DUSP13B: variants seen among roughly 807,000 people sequenced by gnomAD.
DUSP13B encodes dual specificity protein phosphatase 13B.
At chr10:75,099,808 C>G in the DUSP13B span, 1 of 180,396 alleles carries the variant, frequency 5.5e-6, no homozygotes, top group African/African-American at 2.3e-5. Flanking sequence ...TGGCCACGAG[C>G]AAGTCTTTGC....
At chr10:75,105,822 C>A in the DUSP13B span, 125 of 1,550,666 alleles carry the variant, frequency 8.1e-5, no homozygotes, top group South Asian at 6.4e-4. Flanking sequence ...CCAGGACCAG[C>A]GTGGCAGAGC....
chr10:75,099,467 GCAGGGGCAGGACTCTGCCTGAGCGGAA>G, the DUSP13B span: 1 of 1,232,482 alleles, frequency 8.1e-7, no homozygotes, highest in Non-Finnish European at 1.0e-6. Flanking sequence ...GGGAGTGGGT[GCAGGGGCAGGACTCTGCCTGAGCGGAA>G]CAGGGCTGGG....
the DUSP13B span, chr10:75,097,904 C>T: frequency 1.7e-5 from 26 of 1,547,862 alleles, no homozygotes; most frequent in African/African-American, 6.9e-5. Context: ...GAGTGGACAC[C>T]GCAGTGGCTG....
At chr10:75,108,811 T>A in the DUSP13B span, among the ~76,000 whole-genome samples, 5 of 152,158 alleles carry the variant, frequency 3.3e-5, no homozygotes, top group Admixed American at 3.3e-4. Context: ...GCAGGCGAAG[T>A]CCCTGCTCTC....
the DUSP13B span, among the ~76,000 whole-genome samples, chr10:75,100,005 C>A: frequency 7.2e-5 from 11 of 152,132 alleles, no homozygotes; most frequent in Non-Finnish European, 1.5e-4. Context: ...AACAGCCACA[C>A]TGGTCTGGAG....
the DUSP13B span, chr10:75,094,940 G>T: frequency 2.0e-6 from 3 of 1,476,272 alleles, no homozygotes; most frequent in African/African-American, 4.2e-5. Flanking sequence ...CCTTTGGGAA[G>T]AAGAGACACC....
chr10:75,102,964 T>A, the DUSP13B span, among the ~76,000 whole-genome samples: 1 of 151,864 alleles, frequency 6.6e-6, no homozygotes, highest in Non-Finnish European at 1.5e-5. Context: ...AAAAAAAACA[T>A]TAGCTGGTTG....
the DUSP13B span, among the ~76,000 whole-genome samples, chr10:75,102,869 T>G: frequency 1.3e-5 from 2 of 151,880 alleles, no homozygotes; most frequent in South Asian, 2.1e-4. Flanking sequence ...GGAGAATCAT[T>G]TGAACCCGGG....
chr10:75,100,263 C>G, the DUSP13B span, among the ~76,000 whole-genome samples: 3 of 152,132 alleles, frequency 2.0e-5, no homozygotes, highest in African/African-American at 7.2e-5. Context: ...GGACCTAGGC[C>G]CAGGTCTGAA....
At chr10:75,102,242 C>T in the DUSP13B span, among the ~76,000 whole-genome samples, 3 of 152,030 alleles carry the variant, frequency 2.0e-5, no homozygotes, top group Non-Finnish European at 2.9e-5. Context: ...TTTGGGAAAC[C>T]GAGGAGGGTG....
chr10:75,108,696 A>T, the DUSP13B span, among the ~76,000 whole-genome samples: 5 of 152,110 alleles, frequency 3.3e-5, no homozygotes, highest in African/African-American at 1.2e-4. Context: ...CTCTCTGTCT[A>T]CCTTATCTCA....
the DUSP13B span, among the ~76,000 whole-genome samples, chr10:75,101,556 T>A: frequency 6.6e-6 from 1 of 152,224 alleles, no homozygotes; most frequent in African/African-American, 2.4e-5. Flanking sequence ...ATTTTCTCAT[T>A]GAATCCTCAC....
chr10:75,105,858 C>T, the DUSP13B span: 1 of 1,549,082 alleles, frequency 6.5e-7, no homozygotes, highest in African/African-American at 1.4e-5. Flanking sequence ...CACAGTGCAC[C>T]AGGACCTTGG....
At chr10:75,102,759 CCTGA>C in the DUSP13B span, among the ~76,000 whole-genome samples, 1 of 152,122 alleles carries the variant, frequency 6.6e-6, no homozygotes, top group Non-Finnish European at 1.5e-5. Context: ...TCGAGACCAG[CCTGA>C]CTAACATGGA....
chr10:75,103,547 A>T, the DUSP13B span, among the ~76,000 whole-genome samples: 1 of 152,174 alleles, frequency 6.6e-6, no homozygotes, highest in African/African-American at 2.4e-5. Context: ...AGGACCTTCA[A>T]TTGGGCCTAC....
chr10:75,095,726 G>C, the DUSP13B span: 6 of 1,614,126 alleles, frequency 3.7e-6, no homozygotes, highest in Non-Finnish European at 4.2e-6. Flanking sequence ...CCTGGAACTT[G>C]CCTGCAGCGG....
the DUSP13B span, among the ~76,000 whole-genome samples, chr10:75,101,372 C>G: frequency 6.6e-6 from 1 of 152,184 alleles, no homozygotes; most frequent in Admixed American, 6.5e-5. Context: ...TATAATTACT[C>G]TTACCCTTTC....
At chr10:75,101,079 T>C in the DUSP13B span, among the ~76,000 whole-genome samples, 2 of 151,950 alleles carry the variant, frequency 1.3e-5, no homozygotes, top group African/African-American at 4.8e-5. Context: ...GCAGGACCAG[T>C]GAGGAGTGTG....
At chr10:75,095,137 G>C in the DUSP13B span, among the ~76,000 whole-genome samples, 1 of 152,188 alleles carries the variant, frequency 6.6e-6, no homozygotes, top group Non-Finnish European at 1.5e-5. Context: ...GCAACTCTGG[G>C]CCAGGGGAAG....
Sources: gnomAD v4.1 joint callset for allele counts (sites outside exome capture counted in the v4.1 genomes callset) on GRCh38, gnomAD v4.1.1 for gene constraint, MANE v1.5 for transcripts, NCBI Gene and HGNC (gene_info 2026-07-23, HGNC 2026-07-21) for gene names.